ASTN1: variants seen among roughly 807,000 people sequenced by gnomAD.
ASTN1 encodes the protein astrotactin-1.
In ASTN1, 41 loss-of-function variants were observed where a neutral mutation model predicts 140.7. That is an observed-to-expected ratio of 0.29 (90% CI 0.23 to 0.38). ASTN1 has a LOEUF of 0.38. ASTN1 is among the 10% of genes least tolerant of loss of function. The pLI is 1.00. For synonymous variants in ASTN1, 640 were observed against 652.2 expected (o/e 0.98, Z 0.29); for missense variants, 1,479 against 1,678.8 (o/e 0.88, Z 2.08).
intron 16 of ASTN1, among the ~76,000 whole-genome samples, chr1:176,915,242 C>G (rs963554609): frequency 6.6e-6 from 1 of 152,188 alleles, no homozygotes; most frequent in Non-Finnish European, 1.5e-5. Flanking sequence ...TACTGAGGAC[C>G]TACCATGGGC....
At chr1:176,980,598 G>A (rs1257716734) in intron 8 of ASTN1, among the ~76,000 whole-genome samples, 2 of 152,086 alleles carry the variant, frequency 1.3e-5, no homozygotes, top group Non-Finnish European at 2.9e-5. Flanking sequence ...GATCTAGGTT[G>A]AGTGGGGAGG....
chr1:176,861,869 T>C lies in ASTN1; in HGVS notation c.*2415A>G, dbSNP rs545871927. On this transcript the variant is annotated 3_prime_UTR_variant, in exon 23 of 23. Transcript: ENST00000361833. ...GAGGGAAAGATAGGAGAGAGGAAGA[T>C]AGTGTGCCTAAAATAAAAACAGAAG... 17 of 984,002 alleles carry C rather than the reference T, an allele frequency of 1.7e-5. No homozygotes were observed. Among genetic ancestry groups the C allele is most frequent in the South Asian group, 4.7e-5 (1 of 21,248 alleles). The allele number at this position is 984,002 out of a possible 1,614,324, so 61.0% of individuals were successfully genotyped here.
chr1:176,948,073 C>A (rs1278405688), intron 12 of ASTN1, among the ~76,000 whole-genome samples: 1 of 152,050 alleles, frequency 6.6e-6, no homozygotes, highest in Non-Finnish European at 1.5e-5. Context: ...AAATGAAACA[C>A]AATAAAATAA....
At chr1:176,921,675 T>G (rs555413800) in intron 16 of ASTN1, among the ~76,000 whole-genome samples, 1 of 152,210 alleles carries the variant, frequency 6.6e-6, no homozygotes, top group African/African-American at 2.4e-5. Context: ...GTTTAATCAC[T>G]TGGTTTTTAT....
At chr1:177,142,412 C>T (rs962737585) in intron 1 of ASTN1, among the ~76,000 whole-genome samples, 3 of 152,092 alleles carry the variant, frequency 2.0e-5, no homozygotes, top group African/African-American at 4.8e-5. Flanking sequence ...AGTTCATGTG[C>T]TTGACATTCA....
At chr1:176,906,016 A>T (rs1165122473) in intron 16 of ASTN1, among the ~76,000 whole-genome samples, 1 of 152,224 alleles carries the variant, frequency 6.6e-6, no homozygotes, top group Non-Finnish European at 1.5e-5. Flanking sequence ...CGAGGGATGG[A>T]TCTCAGATTG....
chr1:176,942,402 A>T (rs1289769102), intron 14 of ASTN1, among the ~76,000 whole-genome samples: 1 of 152,158 alleles, frequency 6.6e-6, no homozygotes, highest in African/African-American at 2.4e-5. Flanking sequence ...TATATCAGAC[A>T]GACCTACATC....
intron 2 of ASTN1, among the ~76,000 whole-genome samples, chr1:177,037,135 A>AATCTTACT (rs1202190736): frequency 1.3e-5 from 2 of 152,110 alleles, no homozygotes; most frequent in African/African-American, 4.8e-5. Flanking sequence ...CATTATTTTT[A>AATCTTACT]ATCTTACTAC....
chr1:176,938,277 A>G (rs1332812811), intron 14 of ASTN1, among the ~76,000 whole-genome samples: 1 of 152,256 alleles, frequency 6.6e-6, no homozygotes, highest in Non-Finnish European at 1.5e-5. Flanking sequence ...ATATTTTATT[A>G]GAGCATAAGA....
chr1:177,092,851 T>A (rs972391242), intron 1 of ASTN1, among the ~76,000 whole-genome samples: 12 of 152,210 alleles, frequency 7.9e-5, no homozygotes, highest in Non-Finnish European at 1.2e-4. Flanking sequence ...TAAAGTGATA[T>A]CTCATTGGGT....
chr1:176,982,586 G>A (rs373235850), intron 8 of ASTN1, among the ~76,000 whole-genome samples: 10 of 152,154 alleles, frequency 6.6e-5, no homozygotes, highest in Admixed American at 1.3e-4. Flanking sequence ...CAAGTTCTCC[G>A]GTGATGCCAT....
intron 16 of ASTN1, among the ~76,000 whole-genome samples, chr1:176,897,923 C>T (rs530893665): frequency 1.4e-4 from 21 of 152,298 alleles, no homozygotes; most frequent in African/African-American, 4.8e-4. Context: ...ACGCCCCCTC[C>T]TCTCATTACT....
chr1:176,908,591 A>G (rs1180689327), intron 16 of ASTN1, among the ~76,000 whole-genome samples: 1 of 152,206 alleles, frequency 6.6e-6, no homozygotes, highest in African/African-American at 2.4e-5. Context: ...AAGCTCTGAG[A>G]CATCATAAGA....
chr1:176,939,112 A>C (rs75729021), intron 14 of ASTN1, among the ~76,000 whole-genome samples: 1 of 143,866 alleles, frequency 7.0e-6, no homozygotes, highest in African/African-American at 2.5e-5. Context: ...ACACCATCTC[A>C]AAAAAAAAAA....
chr1:176,914,570 G>A (rs973928345), intron 16 of ASTN1, among the ~76,000 whole-genome samples: 3 of 152,202 alleles, frequency 2.0e-5, no homozygotes, highest in Non-Finnish European at 4.4e-5. Flanking sequence ...AACCAGTCCA[G>A]GAATTTTGAG....
At chr1:177,047,693 T>G (rs16850697) in intron 2 of ASTN1, among the ~76,000 whole-genome samples, 18,648 of 151,608 alleles carry the variant, frequency 0.12, 1,796 homozygotes, top group African/African-American at 0.26. Flanking sequence ...AGAAGAGAGG[T>G]ATTCTGGAGA....
In ASTN1 at chr1:176,884,333, G is replaced by A. The variant is rs1472262668; in HGVS notation, c.3226+6C>T. 1 of 1,612,748 alleles carries A rather than the reference G, an allele frequency of 6.2e-7. No individual in the cohort carries two copies. The highest frequency in any genetic ancestry group is 1.7e-4 in the Middle Eastern group (1 of 6,058). The stretch of plus-strand genomic sequence containing the variant: ...AAGACAAGCCCATGAAGTAGAAGGT[G>A]CTCACCTGTCTCCACTTTGGAGTGG... On this transcript the variant is annotated splice_donor_region_variant and intron_variant, in intron 19 of 22. Coordinates refer to ENST00000361833, the MANE Select transcript of ASTN1 (RefSeq NM_004319.3).
At chr1:177,056,588 C>T (rs201317911) in intron 2 of ASTN1, among the ~76,000 whole-genome samples, 5,042 of 114,586 alleles carry the variant, frequency 0.044, 126 homozygotes, top group African/African-American at 0.11. Flanking sequence ...TATATATATA[C>T]ACATATCTCC....
chr1:177,025,972 C>A (rs920008352), intron 5 of ASTN1, among the ~76,000 whole-genome samples: 1 of 152,006 alleles, frequency 6.6e-6, no homozygotes, highest in Non-Finnish European at 1.5e-5. Flanking sequence ...AGGTGTGGAG[C>A]CAGATAAAAA....
Sources: allele counts gnomAD v4.1 joint callset (sites outside exome capture counted in the v4.1 genomes callset), GRCh38; gene constraint gnomAD v4.1.1; transcripts MANE v1.5; gene names NCBI Gene and HGNC (gene_info 2026-07-23, HGNC 2026-07-21).